CCDC50: variants seen among roughly 807,000 people sequenced by gnomAD.
CCDC50 encodes the protein coiled-coil domain containing 50.
In CCDC50, 54 loss-of-function variants were observed where a neutral mutation model predicts 70.2. The ratio of observed to expected loss-of-function variants is 0.77; its 90% CI spans 0.62 to 0.96. CCDC50 has a LOEUF of 0.96. CCDC50 is among the 50% of genes least tolerant of loss of function. The pLI is 0.00. For missense variants in CCDC50, 558 were observed against 578.7 expected (o/e 0.96, Z 0.37); for synonymous variants, 216 against 198.8 (o/e 1.09, Z -0.73).
chr3:191,338,580 A>G (rs1426014181), intron 1 of CCDC50, among the ~76,000 whole-genome samples: 1 of 152,280 alleles, frequency 6.6e-6, no homozygotes, highest in East Asian at 1.9e-4. Context: ...CTAAGTTAAC[A>G]TGTTTGCTTC....
intron 1 of CCDC50, among the ~76,000 whole-genome samples, chr3:191,354,275 G>A (rs144475681): frequency 1.6e-3 from 248 of 152,194 alleles, no homozygotes; most frequent in African/African-American, 5.7e-3. Context: ...TGCAGCTAAG[G>A]CACTCATGCC....
chr3:191,336,722 A>G (rs1040284945), intron 1 of CCDC50, among the ~76,000 whole-genome samples: 1 of 152,216 alleles, frequency 6.6e-6, no homozygotes, highest in Non-Finnish European at 1.5e-5. Context: ...TATACAGACT[A>G]TGTACTCAGA....
chr3:191,336,733 C>A lies in CCDC50; in HGVS notation c.49+7010C>A, dbSNP rs138230182. On this transcript the variant is annotated intron_variant, in intron 1 of 11. Coordinates refer to ENST00000392455, the MANE Select transcript of CCDC50 (RefSeq NM_178335.3). ...TTTATATACAGACTATGTACTCAGA[C>A]TTATGCAATTACATTTGGAAAATTA... Among the ~76,000 whole-genome samples, 124 of 152,316 alleles carry A rather than the reference C, an allele frequency of 8.1e-4. 3 individuals are homozygous for A. The South Asian group carries it at 0.018, about 22-fold the overall frequency.
chr3:191,395,823 A>G lies in CCDC50; in HGVS notation c.*4063A>G, dbSNP rs2108681745. ...GCTCATAGAGAAGTGACTATATAAA[A>G]TGGTCCAATTTTCTCATTTCTGGTG... On this transcript the variant is annotated 3_prime_UTR_variant, in exon 12 of 12. Coordinates refer to ENST00000392455, the MANE Select transcript of CCDC50 (RefSeq NM_178335.3). The G allele has an allele frequency of 6.6e-6, 1 of 152,326 alleles. No homozygotes were observed. The highest frequency in any genetic ancestry group is 2.1e-4 in the South Asian group (1 of 4,828). 9.4% of individuals were successfully genotyped at this position (152,326 alleles called of 1,614,324 possible).
chr3:191,380,890 G>C lies in CCDC50; in HGVS notation c.1200G>C (p.Glu400Asp). 3.1e-6 allele frequency: 5 copies of C among 1,612,938 alleles called. No homozygotes were observed. The highest frequency in any genetic ancestry group is 4.2e-6 in the Non-Finnish European group (5 of 1,179,230). ...CTTACAAAAAAGCCAAGGAGCGGGA[G>C]AAATCATCTTTGGACAAAAGAAAGC... ...KKAYKKAKER[E>D]KSSLDKRKQD... The change falls in exon 9 of 12, where the codon GAG becomes GAC. Residue 400 changes from glutamate (E) to aspartate (D), a missense_variant. Glu to Asp is a conservative substitution (Grantham distance 45, BLOSUM62 2). Coordinates refer to ENST00000392455, the MANE Select transcript of CCDC50 (RefSeq NM_178335.3).
Position 191,380,139 on chromosome 3 carries a change from GT to G in CCDC50, c.977-5del, listed in dbSNP as rs34031057. On this transcript the variant is annotated intron_variant, in intron 6 of 11. Coordinates refer to ENST00000392455, the MANE Select transcript of CCDC50 (RefSeq NM_178335.3). ...ATCCTCGGTTGTTTTATTACATTGA[GT>G]TTTTTTTTTTTTTTAAAGGAATGAA... The G allele has an allele frequency of 0.033, 38,809 of 1,163,460 alleles. 12 individuals are homozygous for G. Among genetic ancestry groups the G allele is most frequent in the African/African-American group, 0.044 (2,702 of 60,984 alleles). The allele number at this position is 1,163,460 out of a possible 1,614,324, so 72.1% of individuals were successfully genotyped here.
chr3:191,370,661 G>A (rs990274039), intron 5 of CCDC50, among the ~76,000 whole-genome samples: 1 of 151,650 alleles, frequency 6.6e-6, no homozygotes, highest in Non-Finnish European at 1.5e-5. Flanking sequence ...TCTAATTTTT[G>A]TATTTTTAGT....
intron 1 of CCDC50, among the ~76,000 whole-genome samples, chr3:191,337,675 C>A (rs143366367): frequency 1.3e-5 from 2 of 151,930 alleles, no homozygotes. Flanking sequence ...AATTACACTC[C>A]GGTAAATTTC....
At chr3:191,351,236 G>C (rs1560159371) in intron 1 of CCDC50, among the ~76,000 whole-genome samples, 1 of 141,932 alleles carries the variant, frequency 7.0e-6, no homozygotes, top group African/African-American at 2.5e-5. Flanking sequence ...TTATTTCTTT[G>C]TTGGTGAAAG....
chr3:191,378,237 T>A (rs140946965), intron 6 of CCDC50, among the ~76,000 whole-genome samples: 1,634 of 152,256 alleles, frequency 0.011, 27 homozygotes, highest in African/African-American at 0.037. Flanking sequence ...TTCTGACTCT[T>A]ACTAAGTCAT....
At chr3:191,361,290 G>A in intron 4 of CCDC50, 131 bp downstream of exon 4, 1 of 705,292 alleles carries the variant, frequency 1.4e-6, no homozygotes, top group East Asian at 2.8e-5. Context: ...TATTTGGGCT[G>A]CATTTTCCTC....
At position 191,395,191 on chromosome 3, in the gene CCDC50, C is replaced by G. The variant is rs573836713; in HGVS notation, c.*3431C>G. On this transcript the variant is annotated 3_prime_UTR_variant, in exon 12 of 12. Transcript: ENST00000392455. ...AATTCTGGACCTGATTCATTAACCCCGCTTTTCTTCTCTAATGTGTCCTGA... is the reference window on the plus strand; with the variant it reads ...AATTCTGGACCTGATTCATTAACCCGGCTTTTCTTCTCTAATGTGTCCTGA... The G allele has an allele frequency of 6.6e-6, 1 of 152,086 alleles. No homozygotes were observed. The highest frequency in any genetic ancestry group is 1.5e-5 in the Non-Finnish European group (1 of 67,988). The allele number at this position is 152,086 out of a possible 1,614,324, so 9.4% of individuals were successfully genotyped here. A position where few individuals can be genotyped will look rare whatever the true frequency, so the allele number is the denominator to read the frequency against.
At chr3:191,369,781 C>T in intron 4 of CCDC50, 138 bp from the exon 5 acceptor site, 3 of 719,538 alleles carry the variant, frequency 4.2e-6, no homozygotes, top group South Asian at 4.2e-5. Context: ...CATTTGAAGA[C>T]ATGAAATTAA....
intron 5 of CCDC50, among the ~76,000 whole-genome samples, chr3:191,371,681 C>G (rs1267470004): frequency 6.6e-6 from 1 of 152,178 alleles, no homozygotes; most frequent in African/African-American, 2.4e-5. Context: ...ATCAGTAGAG[C>G]TCAGCCTTTT....
chr3:191,369,405 G>A (rs1009264419), intron 4 of CCDC50, among the ~76,000 whole-genome samples: 3 of 151,964 alleles, frequency 2.0e-5, no homozygotes, highest in African/African-American at 7.2e-5. Flanking sequence ...CTCACTTAAT[G>A]ACTGCTAAAA....
rs936387276 is a variant in CCDC50 at position 191,351,913 on chromosome 3, A to G, written c.50-5175A>G. 2.6e-4 allele frequency among the ~76,000 whole-genome samples: 37 copies of G among 140,286 alleles called. 6 individuals are homozygous for G. Among genetic ancestry groups the G allele is most frequent in the Non-Finnish European group, 4.3e-4 (27 of 62,406 alleles). The allele number at this position is 140,286 out of a possible 152,430, so 92.0% of individuals were successfully genotyped here. A position where few individuals can be genotyped will look rare whatever the true frequency, so the allele number is the denominator to read the frequency against. ...GGTTTTCATCTTTTTGTCTTTTTCC[A>G]TAATTGACCCCTTTGCCAAGAATGT... On this transcript the variant is annotated intron_variant, in intron 1 of 11. Transcript: ENST00000392455.
intron 11 of CCDC50, among the ~76,000 whole-genome samples, chr3:191,389,853 C>CTTTTTTTTTTTTT (rs10635756): frequency 1.2e-5 from 1 of 84,658 alleles, no homozygotes; most frequent in African/African-American, 4.9e-5. Context: ...ATCAAATTCA[C>CTTTTTTTTTTTTT]TTTTTTTTTT....
At chr3:191,364,727 A>C (rs544130350) in intron 4 of CCDC50, among the ~76,000 whole-genome samples, 1 of 152,236 alleles carries the variant, frequency 6.6e-6, no homozygotes, top group African/African-American at 2.4e-5. Flanking sequence ...CACAGATGTA[A>C]GGAAAGTAGC....
rs1371018202 is a variant in CCDC50 at position 191,358,133 on chromosome 3, T to A, written c.239+9T>A. On this transcript the variant is annotated intron_variant, in intron 3 of 11. Transcript: ENST00000392455. ...AAGCGCTACAAAGACCTGTGAGGAT[T>A]TGGGAGGTGGGAGGGGTGATGCAAG... The A allele has an allele frequency of 1.2e-6, 2 of 1,613,468 alleles. No homozygotes were observed. Among genetic ancestry groups the A allele is most frequent in the Non-Finnish European group, 1.7e-6 (2 of 1,179,690 alleles).
Sources: gnomAD v4.1 joint callset for allele counts (sites outside exome capture counted in the v4.1 genomes callset) on GRCh38, gnomAD v4.1.1 for gene constraint, MANE v1.5 for transcripts, NCBI Gene and HGNC (gene_info 2026-07-23, HGNC 2026-07-21) for gene names.